PCDHA13: variants seen among roughly 807,000 people sequenced by gnomAD.
The protein encoded by PCDHA13 is protocadherin alpha-13.
PCDHA13 carries 54 observed loss-of-function variants against 64.8 expected under a neutral mutation model. That is an observed-to-expected ratio of 0.83 (90% CI 0.67 to 1.04). The LOEUF (loss-of-function observed/expected upper bound fraction) is 1.04, where lower values mean the gene tolerates loss of function less well. Ranked by LOEUF, PCDHA13 falls within the 50% of genes least tolerant of loss-of-function variation. The pLI is 0.00. For missense variants in PCDHA13, 1,248 were observed against 1,254.3 expected (o/e 0.99, Z 0.08); for synonymous variants, 587 against 564.4 (o/e 1.04, Z -0.57).
At chr5:140,971,682 T>C (rs782404162) in intron 1 of PCDHA13, among the ~76,000 whole-genome samples, 5 of 152,156 alleles carry the variant, frequency 3.3e-5, no homozygotes, top group Non-Finnish European at 4.4e-5. Flanking sequence ...AGTAAGGGAA[T>C]TTGTACTCAC....
chr5:140,938,086 TTTA>T (rs1189650554), intron 1 of PCDHA13, among the ~76,000 whole-genome samples: 6 of 152,142 alleles, frequency 3.9e-5, no homozygotes, highest in African/African-American at 1.4e-4. Flanking sequence ...TAATGTTAGT[TTTA>T]TTATTGTATT....
At chr5:140,915,503 G>T (rs1420993234) in intron 1 of PCDHA13, among the ~76,000 whole-genome samples, 1 of 152,062 alleles carries the variant, frequency 6.6e-6, no homozygotes, top group Non-Finnish European at 1.5e-5. Flanking sequence ...TAATACTGTG[G>T]TTTTTGCAGA....
intron 1 of PCDHA13, among the ~76,000 whole-genome samples, chr5:140,895,742 G>T (rs2065139471): frequency 6.6e-6 from 1 of 152,110 alleles, no homozygotes; most frequent in South Asian, 2.1e-4. Context: ...GGGCTGCAAA[G>T]GGCATGATCT....
chr5:140,970,847 C>A (rs2096437224), intron 1 of PCDHA13, among the ~76,000 whole-genome samples: 1 of 149,802 alleles, frequency 6.7e-6, no homozygotes, highest in Non-Finnish European at 1.5e-5. Context: ...TGCACAGGCA[C>A]AAAAGTTCCA....
At chr5:140,929,678 T>C in intron 1 of PCDHA13, 1 of 305,066 alleles carries the variant, frequency 3.3e-6, no homozygotes, top group East Asian at 5.8e-5. Flanking sequence ...ATGAAAAATA[T>C]GTAAGAGTCT....
intron 1 of PCDHA13, among the ~76,000 whole-genome samples, chr5:140,911,436 C>T (rs369054235): frequency 6.1e-4 from 93 of 152,242 alleles, no homozygotes; most frequent in South Asian, 2.9e-3. Context: ...TCCAATTTCC[C>T]GCAATTTCAG....
intron 1 of PCDHA13, among the ~76,000 whole-genome samples, chr5:140,925,728 TAAATATTTACAGAAAGA>T (rs1554202900): frequency 6.6e-6 from 1 of 151,870 alleles, no homozygotes; most frequent in African/African-American, 2.4e-5. Context: ...TGGTGTTTTC[TAAATATTTACAGAAAGA>T]AAATTTACAG....
chr5:140,984,258 CA>C (rs1563514144), intron 3 of PCDHA13, among the ~76,000 whole-genome samples: 1 of 152,262 alleles, frequency 6.6e-6, no homozygotes, highest in East Asian at 1.9e-4. Context: ...TGGTAAGCCA[CA>C]AACTAACTTT....
In PCDHA13 at chr5:141,002,410, T is replaced by C. The variant is rs1034024595; in HGVS notation, c.2543-7217T>C. 2.2e-4 allele frequency among the ~76,000 whole-genome samples: 33 copies of C among 152,326 alleles called. 1 individual carries two copies. The highest frequency in any genetic ancestry group is 7.5e-4 in the African/African-American group (31 of 41,578). On this transcript the variant is annotated intron_variant, in intron 3 of 3. Coordinates refer to ENST00000289272, the MANE Select transcript of PCDHA13 (RefSeq NM_018904.3). The stretch of plus-strand genomic sequence containing the variant: ...TGCTGGCATCTCTGTGCCTCCCAAA[T>C]AGTAGTAACAAAACAGGCAATAACC...
chr5:140,886,931 G>C (rs1426144437), intron 1 of PCDHA13, among the ~76,000 whole-genome samples: 1 of 151,756 alleles, frequency 6.6e-6, no homozygotes, highest in South Asian at 2.1e-4. Flanking sequence ...CTATGTGCCA[G>C]GCATGTTCTA....
rs534213144 is a variant in PCDHA13 at position 140,882,318 on chromosome 5, G to T, written c.50G>T (p.Trp17Leu). 1 of 1,614,128 alleles carries T rather than the reference G, an allele frequency of 6.2e-7. No individual in the cohort carries two copies. Among genetic ancestry groups the T allele is most frequent in the African/African-American group, 1.3e-5 (1 of 75,038 alleles). ...CCAAGACCGCGGCAACTACTGCTCT[G>T]GCTTCTGATCCTCGCAGCCTGGGAG... ...GGPRPRQLLL[W>L]LLILAAWETG... is the part of the protein sequence containing the mutation. The change falls in exon 1 of 4, where the codon TGG becomes TTG. Residue 17 changes from tryptophan (W) to leucine (L), a missense_variant. Trp to Leu is a moderately conservative substitution (Grantham distance 61, BLOSUM62 -2). Coordinates refer to ENST00000289272, the MANE Select transcript of PCDHA13 (RefSeq NM_018904.3).
Position 140,941,114 on chromosome 5 carries a change from T to G in PCDHA13, c.2395-37835T>G, listed in dbSNP as rs193134067. ...TTTCACATACTATTACTGGAAAGAT[T>G]AGTCCTTTGAAGTTCCAGCTTAATG... On this transcript the variant is annotated intron_variant, in intron 1 of 3. Coordinates refer to ENST00000289272, the MANE Select transcript of PCDHA13 (RefSeq NM_018904.3). Among the ~76,000 whole-genome samples, 307 of 152,230 alleles carry G rather than the reference T, an allele frequency of 2.0e-3. 3 individuals carry two copies. Among genetic ancestry groups the G allele is most frequent in the African/African-American group, 7.2e-3 (299 of 41,546 alleles).
intron 2 of PCDHA13, among the ~76,000 whole-genome samples, chr5:140,982,139 A>G (rs1381844546): frequency 1.3e-5 from 2 of 152,260 alleles, no homozygotes; most frequent in Non-Finnish European, 2.9e-5. Flanking sequence ...AGCCCTCCTC[A>G]TCTGCTTCAG....
Position 140,941,319 on chromosome 5 carries a change from C to CT in PCDHA13, c.2395-37615dup, listed in dbSNP as rs70988781. On this transcript the variant is annotated intron_variant, in intron 1 of 3. Transcript: ENST00000289272. Reference sequence around the variant, plus strand: ...TTCTTTCTTTCTTTTTCTTCTTTCTCTTTTTTTTTTTTTTTCAGATGGAGT... The same window carrying CT: ...TTCTTTCTTTCTTTTTCTTCTTTCTCTTTTTTTTTTTTTTTTCAGATGGAGT... Among the ~76,000 whole-genome samples the CT allele has an allele frequency of 1.3e-3, 140 of 104,384 alleles. 3 individuals are homozygous for CT. The highest frequency in any genetic ancestry group is 2.9e-3 in the South Asian group (9 of 3,126). The allele number at this position is 104,384 out of a possible 152,430, so 68.5% of individuals were successfully genotyped here.
chr5:140,918,750 CAG>C (rs2078839943), intron 1 of PCDHA13, among the ~76,000 whole-genome samples: 1 of 152,070 alleles, frequency 6.6e-6, no homozygotes, highest in African/African-American at 2.4e-5. Flanking sequence ...AAAAGAGGCC[CAG>C]AGAGGTGCCT....
intron 3 of PCDHA13, among the ~76,000 whole-genome samples, chr5:140,997,147 A>G (rs545988847): frequency 5.9e-5 from 9 of 152,134 alleles, no homozygotes; most frequent in African/African-American, 2.2e-4. Context: ...CCCCCGCCAC[A>G]GTGACATCCT....
intron 1 of PCDHA13, among the ~76,000 whole-genome samples, chr5:140,945,280 A>G (rs1482777954): frequency 6.6e-6 from 1 of 152,146 alleles, no homozygotes; most frequent in Non-Finnish European, 1.5e-5. Flanking sequence ...ACTTTAAAAC[A>G]TTGATGAAAG....
chr5:140,989,242 C>T (rs562894633), intron 3 of PCDHA13, among the ~76,000 whole-genome samples: 5 of 152,226 alleles, frequency 3.3e-5, no homozygotes, highest in African/African-American at 1.2e-4. Flanking sequence ...GTTTTAAGCC[C>T]CTTGTCAAAA....
At chr5:140,943,608 T>C (rs1585137347) in intron 1 of PCDHA13, among the ~76,000 whole-genome samples, 1 of 152,184 alleles carries the variant, frequency 6.6e-6, no homozygotes, top group Non-Finnish European at 1.5e-5. Flanking sequence ...ATATAGACTT[T>C]GATTCATCTG....
Sources: gnomAD v4.1 joint callset for allele counts (sites outside exome capture counted in the v4.1 genomes callset) on GRCh38, gnomAD v4.1.1 for gene constraint, MANE v1.5 for transcripts, NCBI Gene and HGNC (gene_info 2026-07-23, HGNC 2026-07-21) for gene names.